Variants in FBXL20 observed in about 807,000 individuals in gnomAD.
FBXL20 encodes the protein F-box and leucine rich repeat protein 20.
Under a neutral mutation model 64.0 loss-of-function variants are expected in FBXL20, and 11 were observed. That is an observed-to-expected ratio of 0.17 (90% CI 0.11 to 0.28). FBXL20 has a LOEUF of 0.28. Ranked by LOEUF, FBXL20 falls within the 10% of genes least tolerant of loss-of-function variation. FBXL20 has a pLI of 1.00. For synonymous variants in FBXL20, 184 were observed against 189.0 expected, an observed-to-expected ratio of 0.97 and a Z score of 0.22; for missense variants, 303 against 526.2, an observed-to-expected ratio of 0.58 and a Z score of 4.15.
chr17:39,384,457 A>G (rs1171984383), intron 1 of FBXL20, among the ~76,000 whole-genome samples: 1 of 151,692 alleles, frequency 6.6e-6, no homozygotes, highest in Non-Finnish European at 1.5e-5. Context: ...CCCGGGAGGC[A>G]GAGGTTGTAG....
intron 1 of FBXL20, among the ~76,000 whole-genome samples, chr17:39,359,350 A>G (rs1181785982): frequency 6.6e-6 from 1 of 151,822 alleles, no homozygotes; most frequent in Non-Finnish European, 1.5e-5. Context: ...TCAAAAACAA[A>G]CAACAGAGGT....
chr17:39,377,057 CT>C (rs2047974059), intron 1 of FBXL20, among the ~76,000 whole-genome samples: 2 of 152,122 alleles, frequency 1.3e-5, no homozygotes, highest in African/African-American at 4.8e-5. Context: ...TGCCTGGGGA[CT>C]AGATTGCCTC....
intron 1 of FBXL20, among the ~76,000 whole-genome samples, chr17:39,399,785 T>C (rs760973558): frequency 1.3e-5 from 2 of 152,156 alleles, no homozygotes; most frequent in Admixed American, 6.5e-5. Context: ...TATAAGATAA[T>C]TATAAAAATA....
chr17:39,384,505 C>T lies in FBXL20; in HGVS notation c.42+16856G>A, dbSNP rs567372927. On this transcript the variant is annotated intron_variant, in intron 1 of 14. Transcript: ENST00000264658. ...ACGTCACTGCACTCCACCCTGGAGGCAGAGCAAGAGTCCATCTCAAAATAA... is the reference window on the plus strand; with the variant it reads ...ACGTCACTGCACTCCACCCTGGAGGTAGAGCAAGAGTCCATCTCAAAATAA... Among the ~76,000 whole-genome samples, 29 of 150,406 alleles carry T rather than the reference C, an allele frequency of 1.9e-4. 1 individual carries two copies. The highest frequency in any genetic ancestry group is 1.6e-3 in the Admixed American group (24 of 15,064).
intron 1 of FBXL20, among the ~76,000 whole-genome samples, chr17:39,397,719 G>A (rs1022331459): frequency 3.3e-5 from 5 of 151,782 alleles, no homozygotes; most frequent in South Asian, 4.2e-4. Flanking sequence ...GGAGGCCGGC[G>A]AAAGGATTGC....
intron 6 of FBXL20, among the ~76,000 whole-genome samples, chr17:39,286,508 C>A (rs550972851): frequency 6.6e-6 from 1 of 152,216 alleles, no homozygotes; most frequent in Admixed American, 6.5e-5. Context: ...AGCCACTGTG[C>A]CTGGCCCAAC....
rs566547145 is a variant in FBXL20, at chr17:39,335,435, T to C, written c.104+7745A>G. On this transcript the variant is annotated intron_variant, in intron 2 of 14. Transcript: ENST00000264658. Reference sequence around the variant, plus strand: ...GTGTCTCTACTAAAAATGCAAAAAATTAGCCAGGCATGGTGGCACGTGCTG... The same window carrying C: ...GTGTCTCTACTAAAAATGCAAAAAACTAGCCAGGCATGGTGGCACGTGCTG... 2.6e-5 allele frequency among the ~76,000 whole-genome samples: 4 copies of C among 152,010 alleles called. No individual in the cohort carries two copies. The South Asian group carries it at 6.2e-4, about 24-fold the overall frequency.
intron 1 of FBXL20, among the ~76,000 whole-genome samples, chr17:39,390,114 T>C (rs1226068594): frequency 6.6e-6 from 1 of 152,132 alleles, no homozygotes; most frequent in Non-Finnish European, 1.5e-5. Context: ...TTAAAATTCA[T>C]AGGCATTCCT....
At chr17:39,355,416 T>C (rs1340357070) in intron 1 of FBXL20, among the ~76,000 whole-genome samples, 1 of 152,194 alleles carries the variant, frequency 6.6e-6, no homozygotes, top group Non-Finnish European at 1.5e-5. Flanking sequence ...TATAAATGAT[T>C]TGATTATTTG....
At position 39,268,168 on chromosome 17, in the gene FBXL20, A is replaced by G. The variant is rs370315147; in HGVS notation, c.933+659T>C. On this transcript the variant is annotated intron_variant, in intron 12 of 14. Coordinates refer to ENST00000264658, the MANE Select transcript of FBXL20 (RefSeq NM_032875.3). ...GGAGTTCAAAACCAGCCTGGCCAAC[A>G]CAGTGAAATCCCATCTCTACTAAGA... 2.6e-5 allele frequency among the ~76,000 whole-genome samples: 4 copies of G among 152,208 alleles called. No individual in the cohort carries two copies. The South Asian group carries it at 8.3e-4, about 32-fold the overall frequency.
In FBXL20 at chr17:39,259,331, A is replaced by C. The variant is rs1335248536; in HGVS notation, c.*2129T>G. On this transcript the variant is annotated 3_prime_UTR_variant, in exon 15 of 15. Transcript: ENST00000264658. ...TAAAATAAAATAAAATAAATAAATAAAACAAGCCTTTTAATAGTCTGGATC... is the reference window on the plus strand; with the variant it reads ...TAAAATAAAATAAAATAAATAAATACAACAAGCCTTTTAATAGTCTGGATC... 6.6e-6 allele frequency: 1 copy of C among 152,076 alleles called. No individual in the cohort carries two copies. 9.4% of individuals were successfully genotyped at this position (152,076 alleles called of 1,614,324 possible).
chr17:39,333,226 G>A (rs1212915373), intron 2 of FBXL20, among the ~76,000 whole-genome samples: 3 of 152,098 alleles, frequency 2.0e-5, no homozygotes, highest in African/African-American at 7.2e-5. Context: ...CCGCCATCTC[G>A]ACTCACTGCA....
At position 39,401,556 on chromosome 17, in the gene FBXL20, G is replaced by A. The variant is rs534118172; in HGVS notation, c.-154C>T. The stretch of plus-strand genomic sequence containing the variant: ...CGGGAACAAGAGACCTCTCGGCTCC[G>A]GCTAGGCCTCCACCACCTCCCGCGG... On this transcript the variant is annotated 5_prime_UTR_variant, in exon 1 of 15. Coordinates refer to ENST00000264658, the MANE Select transcript of FBXL20 (RefSeq NM_032875.3). The A allele has an allele frequency of 1.4e-6, 2 of 1,419,170 alleles. No individual in the cohort carries two copies. Among genetic ancestry groups the A allele is most frequent in the Non-Finnish European group, 1.8e-6 (2 of 1,096,218 alleles). 87.9% of individuals were successfully genotyped at this position (1,419,170 alleles called of 1,614,324 possible).
chr17:39,398,522 T>C (rs1343851760), intron 1 of FBXL20, among the ~76,000 whole-genome samples: 1 of 152,224 alleles, frequency 6.6e-6, no homozygotes. Flanking sequence ...GTTATTACTG[T>C]ATACATTTAA....
At chr17:39,348,533 C>T (rs1281074200) in intron 1 of FBXL20, among the ~76,000 whole-genome samples, 1 of 152,126 alleles carries the variant, frequency 6.6e-6, no homozygotes, top group Non-Finnish European at 1.5e-5. Flanking sequence ...CTCAAGCAAT[C>T]TTCCTGCCTC....
chr17:39,398,832 G>T (rs540829646), intron 1 of FBXL20, among the ~76,000 whole-genome samples: 1 of 152,038 alleles, frequency 6.6e-6, no homozygotes, highest in African/African-American at 2.4e-5. Context: ...CCACTACCAC[G>T]CCCGGCTAAT....
chr17:39,336,538 G>C (rs1300217360), intron 2 of FBXL20, among the ~76,000 whole-genome samples: 1 of 152,174 alleles, frequency 6.6e-6, no homozygotes, highest in Non-Finnish European at 1.5e-5. Flanking sequence ...ATTAATGAAA[G>C]TAGAAGGTTG....
chr17:39,319,285 G>T (rs1175322732), intron 2 of FBXL20, among the ~76,000 whole-genome samples: 1 of 151,900 alleles, frequency 6.6e-6, no homozygotes, highest in Non-Finnish European at 1.5e-5. Context: ...GCCTCTCAGA[G>T]AATTATTAAT....
At chr17:39,334,091 G>A (rs1209444766) in intron 2 of FBXL20, among the ~76,000 whole-genome samples, 1 of 152,228 alleles carries the variant, frequency 6.6e-6, no homozygotes, top group Non-Finnish European at 1.5e-5. Flanking sequence ...GTAGAAAGAA[G>A]TAGACATAGG....
Sources: gnomAD v4.1 joint callset for allele counts (sites outside exome capture counted in the v4.1 genomes callset) on GRCh38, gnomAD v4.1.1 for gene constraint, MANE v1.5 for transcripts, NCBI Gene and HGNC (gene_info 2026-07-23, HGNC 2026-07-21) for gene names.